The following CHD5 variants were observed in gnomAD, a reference collection of about 807,000 sequenced individuals.
CHD5 encodes the protein ATP-dependent chromatin remodeler CHD5.
Under a neutral mutation model 230.3 loss-of-function variants are expected in CHD5, and 69 were observed. The observed-to-expected ratio is 0.30, with a 90% CI of 0.25 to 0.37. CHD5 has a LOEUF of 0.37. CHD5 is among the 10% of genes least tolerant of loss of function. The probability of loss-of-function intolerance (pLI) is 1.00; values close to 1 mark genes in which losing one functional copy is unlikely to be tolerated. For missense variants in CHD5, 1,827 were observed against 2,622.8 expected (o/e 0.70, Z 6.63); for synonymous variants, 1,064 against 1,065.9 (o/e 1.00, Z 0.03).
chr1:6,171,855 C>A (rs957338527), intron 1 of CHD5, among the ~76,000 whole-genome samples: 5 of 152,236 alleles, frequency 3.3e-5, no homozygotes, highest in Non-Finnish European at 1.5e-5. Flanking sequence ...CAGCTCCTGG[C>A]CCCTCGTGGC....
rs1016309886 is a variant in CHD5 at position 6,126,482 on chromosome 1, G to A, written c.4078+90C>T. The A allele has an allele frequency of 4.1e-5, 32 of 776,728 alleles. No individual in the cohort carries two copies. Among genetic ancestry groups the A allele is most frequent in the Non-Finnish European group, 5.6e-5 (25 of 447,262 alleles). The allele number at this position is 776,728 out of a possible 1,614,324, so 48.1% of individuals were successfully genotyped here. A position where few individuals can be genotyped will look rare whatever the true frequency, so the allele number is the denominator to read the frequency against. ...CCAGCTCTCCCGGCCCGCACCTCCCGGGGGTTCTGCACAGGGATGCCCTGA... is the reference window on the plus strand; with the variant it reads ...CCAGCTCTCCCGGCCCGCACCTCCCAGGGGTTCTGCACAGGGATGCCCTGA... On this transcript the variant is annotated intron_variant, in intron 26 of 41. Transcript: ENST00000262450. This position sits in a 1 kb window ranked among gnomAD's most constrained non-coding sequence, Gnocchi z 5.7.
Position 6,125,001 on chromosome 1 carries a change from G to T in CHD5, c.4394+99C>A. 7.9e-7 allele frequency: 1 copy of T among 1,268,700 alleles called. No individual in the cohort carries two copies. The highest frequency in any genetic ancestry group is 1.1e-6 in the Non-Finnish European group (1 of 944,828). 78.6% of individuals were successfully genotyped at this position (1,268,700 alleles called of 1,614,324 possible). A position where few individuals can be genotyped will look rare whatever the true frequency, so the allele number is the denominator to read the frequency against. On this transcript the variant is annotated intron_variant, in intron 29 of 41. Coordinates refer to ENST00000262450, the MANE Select transcript of CHD5 (RefSeq NM_015557.3). The surrounding 1 kb of genome is among the most constrained non-coding windows in gnomAD (Gnocchi z 6.7). ...TGAACTTTCCAGACGGCCTCATCCT[G>T]GCGGAAGCAAATGCTGCCCTCTGTG...
intron 1 of CHD5, 42 bp from the exon 2 acceptor site, chr1:6,168,319 C>T (rs1324387384): frequency 6.4e-7 from 1 of 1,563,950 alleles, no homozygotes; most frequent in African/African-American, 1.4e-5. Flanking sequence ...CCTGAGCTTC[C>T]TCCAGGAGAG....
In CHD5 at chr1:6,159,611, C is replaced by T. The variant is rs147410598; in HGVS notation, c.208-96G>A. On this transcript the variant is annotated intron_variant, in intron 2 of 41. Transcript: ENST00000262450. The stretch of plus-strand genomic sequence containing the variant: ...GCCCTGAGAGCTACCTCCTGGCCCA[C>T]GCTGGGGATCGACCGATCCCCATCA... 702 of 960,930 alleles carry T rather than the reference C, an allele frequency of 7.3e-4. 2 individuals carry two copies. The African/African-American group carries it at 9.0e-3, about 12-fold the overall frequency. 59.5% of individuals were successfully genotyped at this position (960,930 alleles called of 1,614,324 possible).
At position 6,154,706 on chromosome 1, in the gene CHD5, C is replaced by T. The variant is rs148598493; in HGVS notation, c.699G>A (p.Val233=). The T allele has an allele frequency of 5.9e-5, 95 of 1,601,554 alleles. No individual in the cohort carries two copies. The highest frequency in any genetic ancestry group is 2.2e-4 in the Admixed American group (13 of 59,220). ...CCTTGCGGATAGGCACAGGCTGGGG[C>T]ACCTGCGGGGGGCTGACGGCTAGCG... The part of the protein sequence containing the change: ...SPPLAVSPPQ[V]PQPVPIRKAK... Residue 233 remains valine (V), a synonymous_variant, in exon 5 of 42, where the codon GTG becomes GTA. Coordinates refer to ENST00000262450, the MANE Select transcript of CHD5 (RefSeq NM_015557.3). The surrounding 1 kb of genome is among the most constrained non-coding windows in gnomAD (Gnocchi z 7.0).
rs569355371 is a variant in CHD5 at position 6,150,179 on chromosome 1, T to C, written c.995-767A>G. Among the ~76,000 whole-genome samples, 267 of 141,404 alleles carry C rather than the reference T, an allele frequency of 1.9e-3. 2 individuals are homozygous for C. Among genetic ancestry groups the C allele is most frequent in the African/African-American group, 7.4e-3 (257 of 34,940 alleles). The allele number at this position is 141,404 out of a possible 152,430, so 92.8% of individuals were successfully genotyped here. A position where few individuals can be genotyped will look rare whatever the true frequency, so the allele number is the denominator to read the frequency against. On this transcript the variant is annotated intron_variant, in intron 7 of 41. Transcript: ENST00000262450. ...GGATGATGGATGGACAAATGGATGA[T>C]GGATGGACAGAGTGGTAGATGGATG...
chr1:6,121,415 G>T lies in CHD5; in HGVS notation c.4779+79C>A. On this transcript the variant is annotated intron_variant, in intron 32 of 41. Coordinates refer to ENST00000262450, the MANE Select transcript of CHD5 (RefSeq NM_015557.3). This position sits in a 1 kb window ranked among gnomAD's most constrained non-coding sequence, Gnocchi z 4.5. Reference sequence around the variant, plus strand: ...CAGGAGGCCTGGGTTCCACCTCGCTGTACAGGGCCTGAGAAGGTCCCCAGA... The same window carrying T: ...CAGGAGGCCTGGGTTCCACCTCGCTTTACAGGGCCTGAGAAGGTCCCCAGA... The T allele has an allele frequency of 1.3e-6, 2 of 1,489,764 alleles. No homozygotes were observed. The highest frequency in any genetic ancestry group is 1.9e-6 in the Non-Finnish European group (2 of 1,080,754). 92.3% of individuals were successfully genotyped at this position (1,489,764 alleles called of 1,614,324 possible).
At position 6,154,772 on chromosome 1, in the gene CHD5, C is replaced by T. The variant is rs750527886; in HGVS notation, c.633G>A (p.Ala211=). 1.1e-5 allele frequency: 17 copies of T among 1,612,730 alleles called. No homozygotes were observed. Among genetic ancestry groups the T allele is most frequent in the Middle Eastern group, 1.7e-4 (1 of 6,010 alleles). ...CCGTCTCTACAGCCGCAGCCACCGC[C>T]GCCGCCGCTGCTGCCGCGGAGCTGC... ...FKGSSAAAAA[A]AVAAAVETVT... Residue 211 remains alanine, a synonymous_variant, in exon 5 of 42, where the codon GCG becomes GCA. Transcript: ENST00000262450. This position sits in a 1 kb window ranked among gnomAD's most constrained non-coding sequence, Gnocchi z 7.0.
Position 6,111,854 on chromosome 1 carries a change from G to A in CHD5, c.5170C>T (p.Arg1724Trp), listed in dbSNP as rs573796175. ...ATTTTCCCAGAGGATACAGCAGCCC[G>A]CTCCTCGTTCTGCCACAGCGTGTGC... ...ELHTLWQNEE[R>W]AAVSSGKIYD... The change falls in exon 36 of 42, where the codon CGG becomes TGG. Residue 1724 changes from arginine (R) to tryptophan (W), a missense_variant. Coordinates refer to ENST00000262450, the MANE Select transcript of CHD5 (RefSeq NM_015557.3). The A allele has an allele frequency of 6.1e-5, 99 of 1,613,214 alleles. No homozygotes were observed. Among genetic ancestry groups the A allele is most frequent in the Admixed American group, 1.0e-4 (6 of 60,016 alleles).
chr1:6,178,689 G>A (rs771525498), intron 1 of CHD5, among the ~76,000 whole-genome samples: 14 of 152,234 alleles, frequency 9.2e-5, no homozygotes, highest in Admixed American at 2.0e-4. Context: ...TCTAACAGGC[G>A]AGGTGAGTGC....
chr1:6,110,615 C>T, intron 36 of CHD5, 89 bp from the exon 37 acceptor site: 1 of 1,400,918 alleles, frequency 7.1e-7, no homozygotes, highest in Non-Finnish European at 9.8e-7. Context: ...AGGGGCCAGC[C>T]CGGGGGTCGG....
At chr1:6,150,340 G>A (rs1397711704) in intron 7 of CHD5, among the ~76,000 whole-genome samples, 1 of 148,638 alleles carries the variant, frequency 6.7e-6, no homozygotes, top group Non-Finnish European at 1.5e-5. Flanking sequence ...ATGGATGAAT[G>A]GATGGACAGA....
intron 1 of CHD5, among the ~76,000 whole-genome samples, chr1:6,171,146 C>T (rs188051048): frequency 9.7e-4 from 148 of 152,320 alleles, no homozygotes; most frequent in Non-Finnish European, 1.8e-3. Context: ...ACCAACAGAA[C>T]GGATGAGGGT....
In CHD5 at chr1:6,106,664, G is replaced by A; in HGVS notation, c.5694C>T (p.Ser1898=). The A allele has an allele frequency of 6.2e-7, 1 of 1,609,212 alleles. No homozygotes were observed. The highest frequency in any genetic ancestry group is 8.5e-7 in the Non-Finnish European group (1 of 1,178,474). Residue 1898 remains serine (S), a synonymous_variant, in exon 39 of 42, where the codon AGC becomes AGT. Transcript: ENST00000262450. ...VAARLQMSER[S]ILSRLTNRAG... Reference sequence around the variant, plus strand: ...CGCGGTTGGTCAGGCGGCTCAGGATGCTGCGCTCCGACATCTGCAGCCGGG... The same window carrying A: ...CGCGGTTGGTCAGGCGGCTCAGGATACTGCGCTCCGACATCTGCAGCCGGG...
Position 6,131,701 on chromosome 1 carries a change from G to A in CHD5, c.3192C>T (p.Gly1064=). Residue 1064 remains glycine (G), a synonymous_variant, in exon 21 of 42, where the codon GGC becomes GGT. Coordinates refer to ENST00000262450, the MANE Select transcript of CHD5 (RefSeq NM_015557.3). The surrounding 1 kb of genome is among the most constrained non-coding windows in gnomAD (Gnocchi z 5.0). ...DLLEDFLEYE[G]YKYERIDGGI... is the part of the protein sequence containing the mutation. ...CACCATCAATCCGCTCATACTTGTA[G>A]CCTTCGTACTCCAGGAAGTCCTCCA... 1.2e-6 allele frequency: 2 copies of A among 1,613,744 alleles called. No individual in the cohort carries two copies. Among genetic ancestry groups the A allele is most frequent in the Non-Finnish European group, 1.7e-6 (2 of 1,179,698 alleles).
In CHD5 at chr1:6,154,516, C is replaced by T. The variant is rs569709225; in HGVS notation, c.745+144G>A. On this transcript the variant is annotated intron_variant, in intron 5 of 41. Coordinates refer to ENST00000262450, the MANE Select transcript of CHD5 (RefSeq NM_015557.3). This position sits in a 1 kb window ranked among gnomAD's most constrained non-coding sequence, Gnocchi z 7.0. The stretch of plus-strand genomic sequence containing the variant: ...CACTGCTGAGAAAGGACCGGGCAAT[C>T]CAAGGTCACACAGGCACAGAGCCCT... The T allele has an allele frequency of 6.1e-6, 4 of 653,292 alleles. No individual in the cohort carries two copies. The highest frequency in any genetic ancestry group is 1.9e-5 in the African/African-American group (1 of 53,282). The allele number at this position is 653,292 out of a possible 1,614,324, so 40.5% of individuals were successfully genotyped here.
intron 15 of CHD5, among the ~76,000 whole-genome samples, chr1:6,138,408 C>T (rs1666777861): frequency 6.6e-6 from 1 of 151,918 alleles, no homozygotes; most frequent in South Asian, 2.1e-4. Flanking sequence ...ATTTAAAACA[C>T]CTTGGCATGT....
intron 6 of CHD5, 135 bp from the exon 7 acceptor site, chr1:6,151,290 C>A: frequency 9.6e-7 from 1 of 1,042,624 alleles, no homozygotes; most frequent in Non-Finnish European, 1.3e-6. Flanking sequence ...TCTCAGCCCC[C>A]AACACAGCTG....
chr1:6,118,775 G>A (rs886149496), intron 33 of CHD5, among the ~76,000 whole-genome samples: 1 of 150,556 alleles, frequency 6.6e-6, no homozygotes, highest in Non-Finnish European at 1.5e-5. Context: ...TCGGCTCACT[G>A]CGACCTCTGC....
Sources: gnomAD v4.1 joint callset for allele counts (sites outside exome capture counted in the v4.1 genomes callset) on GRCh38, gnomAD v4.1.1 for gene constraint, Gnocchi (gnomAD v3.1) non-coding constraint, MANE v1.5 for transcripts, NCBI Gene and HGNC (gene_info 2026-07-23, HGNC 2026-07-21) for gene names.